Variants in MALRD1 observed in about 807,000 individuals in gnomAD.
MALRD1 encodes MAM and LDL-receptor class A domain-containing protein 1.
A neutral mutation model predicts 242.1 loss-of-function variants in MALRD1; 247 were observed. The ratio of observed to expected loss-of-function variants is 1.02; its 90% confidence interval spans 0.92 to 1.13. The LOEUF (loss-of-function observed/expected upper bound fraction) is 1.13. Ranked by LOEUF, MALRD1 falls within the 50% of genes most tolerant of loss-of-function variation. MALRD1 has a pLI of 0.00. For missense variants in MALRD1, 2,989 were observed against 2,533.1 expected, an observed-to-expected ratio of 1.18 and a Z score of -3.86; for synonymous variants, 995 against 866.6, an observed-to-expected ratio of 1.15 and a Z score of -2.60.
At chr10:19,593,291 A>C (rs938835611) in intron 33 of MALRD1, among the ~76,000 whole-genome samples, 2 of 152,168 alleles carry the variant, frequency 1.3e-5, no homozygotes, top group African/African-American at 4.8e-5. Context: ...TTATTTCTAC[A>C]AACATAGGCT....
intron 38 of MALRD1, among the ~76,000 whole-genome samples, chr10:19,724,617 C>T (rs1478791660): frequency 6.6e-6 from 1 of 152,178 alleles, no homozygotes; most frequent in Admixed American, 6.6e-5. Context: ...AACTGTCCAA[C>T]ATTGCCATCA....
intron 29 of MALRD1, among the ~76,000 whole-genome samples, chr10:19,489,940 C>G (rs1304612328): frequency 6.6e-6 from 1 of 152,016 alleles, no homozygotes; most frequent in Non-Finnish European, 1.5e-5. Flanking sequence ...TGTGAAAGGT[C>G]AAAAATTTGC....
intron 34 of MALRD1, among the ~76,000 whole-genome samples, chr10:19,595,887 G>A (rs759494068): frequency 4.6e-5 from 7 of 152,174 alleles, no homozygotes; most frequent in Non-Finnish European, 8.8e-5. Context: ...TAATGGGTAT[G>A]TATAGTTAAG....
chr10:19,525,333 T>C (rs2358414), intron 31 of MALRD1, among the ~76,000 whole-genome samples: 102,448 of 151,928 alleles, frequency 0.67, 36,271 homozygotes, highest in Non-Finnish European at 0.76. Flanking sequence ...GCTAATCACA[T>C]CTAAAAGACA....
At chr10:19,376,393 T>C (rs1387866937) in intron 26 of MALRD1, among the ~76,000 whole-genome samples, 3 of 152,064 alleles carry the variant, frequency 2.0e-5, no homozygotes, top group African/African-American at 7.2e-5. Flanking sequence ...GGCAAAATGC[T>C]GTTAACGTGG....
In MALRD1 at chr10:19,734,321, C is replaced by T. The variant is rs1406683876; in HGVS notation, c.*84C>T. ...CAATCTGATAGAAACTCATCTTCTA[C>T]AATGGTAAAAAGAGAAAGGATTGTA... On this transcript the variant is annotated 3_prime_UTR_variant, in exon 40 of 40. Transcript: ENST00000454679. 2.0e-5 allele frequency: 23 copies of T among 1,127,016 alleles called. 1 individual carries two copies. Among genetic ancestry groups the T allele is most frequent in the East Asian group, 1.8e-4 (7 of 38,602 alleles). 69.8% of individuals were successfully genotyped at this position (1,127,016 alleles called of 1,614,324 possible).
chr10:19,492,166 T>G (rs1010628404), intron 30 of MALRD1, among the ~76,000 whole-genome samples: 1 of 152,178 alleles, frequency 6.6e-6, no homozygotes. Flanking sequence ...AAGCAATGTT[T>G]AAAAACATAT....
chr10:19,519,253 T>C (rs1258389695), intron 31 of MALRD1, among the ~76,000 whole-genome samples: 2 of 152,170 alleles, frequency 1.3e-5, no homozygotes, highest in Non-Finnish European at 2.9e-5. Flanking sequence ...ATATCAGTTT[T>C]TTTCTCATTT....
intron 29 of MALRD1, among the ~76,000 whole-genome samples, chr10:19,476,619 A>G (rs1414871669): frequency 1.3e-5 from 2 of 152,170 alleles, no homozygotes; most frequent in South Asian, 2.1e-4. Context: ...CTAAGCAATG[A>G]CTATGGATTT....
At chr10:19,060,399 A>G (rs1834788873) in intron 1 of MALRD1, among the ~76,000 whole-genome samples, 1 of 152,152 alleles carries the variant, frequency 6.6e-6, no homozygotes, top group Admixed American at 6.5e-5. Context: ...AGGTGAACAC[A>G]GTTCCTTTTT....
intron 27 of MALRD1, among the ~76,000 whole-genome samples, chr10:19,387,984 A>G (rs1846157352): frequency 6.6e-6 from 1 of 152,134 alleles, no homozygotes; most frequent in Non-Finnish European, 1.5e-5. Flanking sequence ...TATTTCTCAA[A>G]TTCTGCATGC....
intron 4 of MALRD1, among the ~76,000 whole-genome samples, chr10:19,099,059 T>C (rs1398816295): frequency 6.6e-6 from 1 of 152,170 alleles, no homozygotes; most frequent in Non-Finnish European, 1.5e-5. Context: ...GCTGGTGCCA[T>C]GTTGCCCGTT....
At chr10:19,702,111 C>T (rs148217339) in intron 38 of MALRD1, among the ~76,000 whole-genome samples, 15 of 152,052 alleles carry the variant, frequency 9.9e-5, no homozygotes, top group African/African-American at 3.1e-4. Context: ...ATTTAAAGCA[C>T]GTCTACAACA....
chr10:19,171,711 CGT>C (rs1834970534), intron 13 of MALRD1, among the ~76,000 whole-genome samples: 2 of 134,018 alleles, frequency 1.5e-5, no homozygotes, highest in East Asian at 2.3e-4. Context: ...TGTATATATA[CGT>C]ATATACACGT....
chr10:19,531,770 A>G (rs549036662), intron 32 of MALRD1, among the ~76,000 whole-genome samples: 1 of 152,350 alleles, frequency 6.6e-6, no homozygotes, highest in Admixed American at 6.5e-5. Flanking sequence ...ATCAGCTCAC[A>G]GTAAAATCAA....
intron 36 of MALRD1, among the ~76,000 whole-genome samples, chr10:19,629,286 T>C (rs979734232): frequency 6.6e-6 from 1 of 152,122 alleles, no homozygotes; most frequent in Non-Finnish European, 1.5e-5. Flanking sequence ...TGGCCCAGAT[T>C]CTGTTCGCTG....
chr10:19,141,725 T>A (rs1355776646), intron 10 of MALRD1, among the ~76,000 whole-genome samples: 2 of 152,102 alleles, frequency 1.3e-5, no homozygotes, highest in African/African-American at 2.4e-5. Context: ...TTTTAAATTA[T>A]AGGACTTTAA....
intron 14 of MALRD1, among the ~76,000 whole-genome samples, chr10:19,188,539 T>C (rs1407645763): frequency 8.2e-6 from 1 of 121,812 alleles, no homozygotes; most frequent in Non-Finnish European, 1.9e-5. Context: ...CTTTCGAGTT[T>C]ACACTGTGAT....
At chr10:19,059,579 A>T (rs1012820245) in intron 1 of MALRD1, among the ~76,000 whole-genome samples, 1 of 152,008 alleles carries the variant, frequency 6.6e-6, no homozygotes, top group Non-Finnish European at 1.5e-5. Flanking sequence ...CTTAGTAGAG[A>T]TGGAGTTTCA....
Sources: allele counts gnomAD v4.1 joint callset (sites outside exome capture counted in the v4.1 genomes callset), GRCh38; gene constraint gnomAD v4.1.1; transcripts MANE v1.5; gene names NCBI Gene and HGNC (gene_info 2026-07-23, HGNC 2026-07-21).